Variants in CACNA2D3 observed in about 807,000 individuals in gnomAD.
CACNA2D3 encodes calcium voltage-gated channel auxiliary subunit alpha2delta 3.
A neutral mutation model predicts 160.6 loss-of-function variants in CACNA2D3; 60 were observed. The ratio of observed to expected loss-of-function variants is 0.37; its 90% CI spans 0.30 to 0.46. The LOEUF (loss-of-function observed/expected upper bound fraction) is 0.46, where lower values mean the gene tolerates loss of function less well. Among genes scored for constraint, CACNA2D3 ranks in the 20% least tolerant of loss-of-function variants. CACNA2D3 has a pLI of 1.00. For synonymous variants in CACNA2D3, 558 were observed against 492.9 expected (o/e 1.13, Z -1.75); for missense variants, 1,205 against 1,365.0 (o/e 0.88, Z 1.85).
intron 3 of CACNA2D3, among the ~76,000 whole-genome samples, chr3:54,347,459 C>G (rs1698479889): frequency 6.6e-6 from 1 of 152,156 alleles, no homozygotes; most frequent in Admixed American, 6.5e-5. Context: ...TTAATAAGTT[C>G]TTTAGACGGC....
chr3:54,235,173 C>T (rs1286592330), intron 2 of CACNA2D3, among the ~76,000 whole-genome samples: 1 of 152,148 alleles, frequency 6.6e-6, no homozygotes, highest in African/African-American at 2.4e-5. Flanking sequence ...ATGTGCTCAG[C>T]AAACCAAGCA....
chr3:54,508,640 C>T (rs1701409686), intron 5 of CACNA2D3, among the ~76,000 whole-genome samples: 1 of 152,232 alleles, frequency 6.6e-6, no homozygotes, highest in African/African-American at 2.4e-5. Context: ...AATTCCTCTT[C>T]TTCCCCCAGT....
chr3:54,414,535 C>T (rs1055781728), intron 4 of CACNA2D3, among the ~76,000 whole-genome samples: 4 of 152,106 alleles, frequency 2.6e-5, no homozygotes, highest in Non-Finnish European at 5.9e-5. Context: ...AAAGTTACCA[C>T]GTTAGTGACC....
intron 27 of CACNA2D3, among the ~76,000 whole-genome samples, chr3:54,933,074 TTCCTTCCTTCCTTCCTTCC>T: frequency 1.1e-5 from 1 of 88,504 alleles, no homozygotes; most frequent in African/African-American, 4.8e-5. Context: ...CCTTCCTTCC[TTCCTTCCTTCCTTCCTTCC>T]TTCCTTCCTT....
At chr3:54,608,970 A>G (rs1392850586) in intron 9 of CACNA2D3, among the ~76,000 whole-genome samples, 2 of 152,194 alleles carry the variant, frequency 1.3e-5, no homozygotes, top group East Asian at 1.9e-4. Context: ...TTTCTTAACT[A>G]CAACCCAAGA....
chr3:54,829,148 C>CT (rs1434319971), intron 14 of CACNA2D3, among the ~76,000 whole-genome samples: 1 of 152,194 alleles, frequency 6.6e-6, no homozygotes, highest in East Asian at 1.9e-4. Context: ...AGAATCAATA[C>CT]TGTGGTCCCT....
intron 11 of CACNA2D3, among the ~76,000 whole-genome samples, chr3:54,672,411 CA>C (rs1700177418): frequency 2.0e-5 from 3 of 152,166 alleles, no homozygotes; most frequent in African/African-American, 4.8e-5. Flanking sequence ...TCCTACCCTG[CA>C]AGTTCTAACC....
chr3:54,858,340 C>T (rs1320824186), intron 17 of CACNA2D3, among the ~76,000 whole-genome samples: 1 of 152,042 alleles, frequency 6.6e-6, no homozygotes. Context: ...AATTGCTTTT[C>T]TCCATGTGAT....
Position 54,832,011 on chromosome 3 carries a change from T to TCATACACACACACACACA in CACNA2D3, c.1399-5146_1399-5145insTACACACACACACACACA, listed in dbSNP as rs373556430. 1.1e-3 allele frequency among the ~76,000 whole-genome samples: 129 copies of TCATACACACACACACACA among 118,948 alleles called. 5 individuals are homozygous for TCATACACACACACACACA. Among genetic ancestry groups the TCATACACACACACACACA allele is most frequent in the East Asian group, 1.3e-3 (5 of 3,970 alleles). 78.0% of individuals were successfully genotyped at this position (118,948 alleles called of 152,430 possible). ...TCCCTCTTTATCTCTCTCTTCTCTG[T>TCATACACACACACACACA]CACACACACACACACACACACACAC... On this transcript the variant is annotated intron_variant, in intron 14 of 37. Transcript: ENST00000474759.
chr3:54,561,450 C>T (rs182610508), intron 5 of CACNA2D3, among the ~76,000 whole-genome samples: 7 of 152,254 alleles, frequency 4.6e-5, no homozygotes, highest in East Asian at 3.9e-4. Context: ...TTGCTGAAAT[C>T]GTTTATGAGC....
intron 4 of CACNA2D3, among the ~76,000 whole-genome samples, chr3:54,481,394 A>G (rs1466747697): frequency 6.6e-6 from 1 of 152,082 alleles, no homozygotes; most frequent in Non-Finnish European, 1.5e-5. Flanking sequence ...TGTGATCTCC[A>G]TTTCCAGCCT....
At chr3:54,283,122 A>C (rs1451661783) in intron 2 of CACNA2D3, among the ~76,000 whole-genome samples, 1 of 152,212 alleles carries the variant, frequency 6.6e-6, no homozygotes, top group African/African-American at 2.4e-5. Flanking sequence ...ATGTGATTAT[A>C]ATTATAGGAT....
At chr3:54,153,288 A>G (rs925083194) in intron 2 of CACNA2D3, among the ~76,000 whole-genome samples, 1 of 152,270 alleles carries the variant, frequency 6.6e-6, no homozygotes, top group African/African-American at 2.4e-5. Flanking sequence ...GAAAAAGTCA[A>G]TGTCAGCAGC....
In CACNA2D3 at chr3:54,783,480, C is replaced by A. The variant is rs1575473327; in HGVS notation, c.1380+19129C>A. 3.3e-5 allele frequency among the ~76,000 whole-genome samples: 5 copies of A among 152,194 alleles called. No individual in the cohort carries two copies. The East Asian group carries it at 9.7e-4, about 29-fold the overall frequency. On this transcript the variant is annotated intron_variant, in intron 13 of 37. Transcript: ENST00000474759. The stretch of plus-strand genomic sequence containing the variant: ...AATTAGCCGGGCATGGTGCCGTGTG[C>A]CTGTAATCCCAGCTACTCGGGAGAC...
chr3:55,001,602 A>T (rs921876321), intron 31 of CACNA2D3, among the ~76,000 whole-genome samples: 1 of 152,224 alleles, frequency 6.6e-6, no homozygotes, highest in Non-Finnish European at 1.5e-5. Flanking sequence ...GAGCTCAGGT[A>T]TTACTGACTT....
chr3:54,439,862 C>G (rs113844961), intron 4 of CACNA2D3, among the ~76,000 whole-genome samples: 12 of 152,296 alleles, frequency 7.9e-5, no homozygotes, highest in African/African-American at 2.9e-4. Context: ...CCCTCCCTGC[C>G]CCACAACTGT....
intron 2 of CACNA2D3, among the ~76,000 whole-genome samples, chr3:54,192,511 GATAGTTGTCCACAGAGAGTAC>G: frequency 6.6e-6 from 1 of 152,316 alleles, no homozygotes; most frequent in Middle Eastern, 3.4e-3. Context: ...TAAGGGGGAA[GATAGTTGTCCACAGAGAGTAC>G]ATGCTGTAGA....
intron 2 of CACNA2D3, among the ~76,000 whole-genome samples, chr3:54,252,631 C>T (rs1368042193): frequency 1.3e-5 from 2 of 152,188 alleles, no homozygotes; most frequent in Non-Finnish European, 2.9e-5. Context: ...CCTGCCCTGG[C>T]ACATGGAACT....
intron 5 of CACNA2D3, among the ~76,000 whole-genome samples, chr3:54,505,961 C>G (rs1701362058): frequency 6.6e-6 from 1 of 152,192 alleles, no homozygotes. Context: ...TATTCAAAGT[C>G]ATCCTCAGCA....
Sources: gnomAD v4.1 joint callset for allele counts (sites outside exome capture counted in the v4.1 genomes callset) on GRCh38, gnomAD v4.1.1 for gene constraint, MANE v1.5 for transcripts, NCBI Gene and HGNC (gene_info 2026-07-23, HGNC 2026-07-21) for gene names.